Variants in LINS1 observed in about 807,000 individuals in gnomAD.
LINS1 encodes the protein lines homolog 1, also known as protein Lines homolog 1.
In LINS1, 27 loss-of-function variants were observed where a neutral mutation model predicts 41.6. The observed-to-expected ratio is 0.65, with a 90% CI of 0.48 to 0.89. The LOEUF (loss-of-function observed/expected upper bound fraction) is 0.89, where lower values mean the gene tolerates loss of function less well. Ranked by LOEUF, LINS1 falls within the 40% of genes least tolerant of loss-of-function variation. The pLI, the probability that LINS1 is intolerant of heterozygous loss-of-function variation, is 0.00. For missense variants in LINS1, 955 were observed against 884.1 expected (o/e 1.08, Z -1.02); for synonymous variants, 336 against 312.9 (o/e 1.07, Z -0.78).
chr15:100,575,478 C>A (rs148950420), intron 3 of LINS1, among the ~76,000 whole-genome samples: 5,330 of 152,182 alleles, frequency 0.035, 276 homozygotes, highest in African/African-American at 0.12. Flanking sequence ...AGCTAACTAT[C>A]CTAAATATAT....
intron 1 of LINS1, among the ~76,000 whole-genome samples, chr15:100,595,143 G>A (rs752896599): frequency 6.6e-6 from 1 of 152,052 alleles, no homozygotes; most frequent in Non-Finnish European, 1.5e-5. Context: ...GCTAGTCAAA[G>A]GGTTCTCAGA....
At chr15:100,596,006 G>C (rs192256456) in intron 1 of LINS1, among the ~76,000 whole-genome samples, 137 of 152,272 alleles carry the variant, frequency 9.0e-4, no homozygotes, top group African/African-American at 3.2e-3. Context: ...GATATCTTCC[G>C]ACAGCATGCC....
chr15:100,578,454 G>A (rs866543482), intron 3 of LINS1, among the ~76,000 whole-genome samples: 1,525 of 151,336 alleles, frequency 0.01, 31 homozygotes, highest in African/African-American at 0.035. Flanking sequence ...TCAGAGAAAT[G>A]CAAATCAAAA....
At chr15:100,597,475 C>G (rs2039298964) in intron 1 of LINS1, among the ~76,000 whole-genome samples, 1 of 152,178 alleles carries the variant, frequency 6.6e-6, no homozygotes, top group African/African-American at 2.4e-5. Flanking sequence ...AGAATTGAAC[C>G]AGGGACTACA....
chr15:100,585,063 T>C (rs2038739440), intron 1 of LINS1, among the ~76,000 whole-genome samples: 1 of 152,188 alleles, frequency 6.6e-6, no homozygotes, highest in African/African-American at 2.4e-5. Flanking sequence ...CATGGCATTA[T>C]CAAATTATAT....
rs984181978 is a variant in LINS1, at chr15:100,593,300, G to A, written c.-104+8821C>T. On this transcript the variant is annotated intron_variant, in intron 1 of 6. Transcript: ENST00000314742. ...AGTGTTTTCTCTTGGCAGAGGAGCT[G>A]AAATCCCACACCAAGTGGCCTAAGG... 3.3e-5 allele frequency among the ~76,000 whole-genome samples: 5 copies of A among 152,256 alleles called. No individual in the cohort carries two copies. The South Asian group carries it at 6.2e-4, about 19-fold the overall frequency.
At chr15:100,582,203 C>A (rs59229765) in intron 1 of LINS1, among the ~76,000 whole-genome samples, 12,150 of 142,374 alleles carry the variant, frequency 0.085, 496 homozygotes, top group East Asian at 0.2. Flanking sequence ...TCCGTCTACA[C>A]TATGGCCACT....
At position 100,580,552 on chromosome 15, in the gene LINS1, T is replaced by C. The variant is rs2038479017; in HGVS notation, c.291A>G (p.Lys97=). 6.2e-7 allele frequency: 1 copy of C among 1,614,076 alleles called. No homozygotes were observed. The highest frequency in any genetic ancestry group is 1.3e-5 in the African/African-American group (1 of 75,030). The change falls in exon 2 of 7, where the codon AAA becomes AAG. Residue 97 remains lysine, a synonymous_variant. Transcript: ENST00000314742. The part of the protein sequence containing the change: ...EVMLLQLTVI[K]VMTTRILSVK... ...CAGACAATATCCGGGTTGTCATCAC[T>C]TTGATCACTGTTAACTGAAGGAGCA...
chr15:100,581,106 G>GT (rs2038521376), intron 1 of LINS1, among the ~76,000 whole-genome samples, 161 bp from the exon 2 acceptor site: 1 of 152,170 alleles, frequency 6.6e-6, no homozygotes, highest in African/African-American at 2.4e-5. Context: ...TTTCAAGACC[G>GT]TAACAATGAA....
At chr15:100,572,645 A>G in intron 5 of LINS1, 1 of 988,232 alleles carries the variant, frequency 1.0e-6, no homozygotes, top group Non-Finnish European at 1.2e-6. Flanking sequence ...AGTTATTAAA[A>G]GCTAAATTAT....
At chr15:100,575,534 G>C (rs1300975653) in intron 3 of LINS1, among the ~76,000 whole-genome samples, 3 of 152,100 alleles carry the variant, frequency 2.0e-5, no homozygotes, top group African/African-American at 4.8e-5. Context: ...CAACTCCTTA[G>C]AGACCTACAA....
intron 1 of LINS1, among the ~76,000 whole-genome samples, chr15:100,601,452 C>A (rs1228668005): frequency 6.6e-6 from 1 of 152,116 alleles, no homozygotes; most frequent in Non-Finnish European, 1.5e-5. Context: ...AGAACCCTCA[C>A]GGTCCAACCA....
At chr15:100,595,719 C>T (rs1596970011) in intron 1 of LINS1, among the ~76,000 whole-genome samples, 1 of 152,320 alleles carries the variant, frequency 6.6e-6, no homozygotes. Context: ...GTGGCTACTA[C>T]ATAGACTAAT....
At chr15:100,590,863 G>T (rs1306630347) in intron 1 of LINS1, among the ~76,000 whole-genome samples, 1 of 152,132 alleles carries the variant, frequency 6.6e-6, no homozygotes, top group Non-Finnish European at 1.5e-5. Flanking sequence ...CAAACTCTTG[G>T]TATTATCCTC....
chr15:100,574,846 A>C, intron 4 of LINS1, 141 bp downstream of exon 4: 1 of 897,030 alleles, frequency 1.1e-6, no homozygotes, highest in Non-Finnish European at 1.7e-6. Flanking sequence ...GTTATCCTCA[A>C]TCAAAATATA....
At chr15:100,573,429 C>T in intron 5 of LINS1, 1 of 1,046,634 alleles carries the variant, frequency 9.6e-7, no homozygotes, top group South Asian at 2.3e-5. Flanking sequence ...CTAAATCATT[C>T]CTTATGCTTT....
Position 100,569,082 on chromosome 15 carries a change from C to T in LINS1, c.*156G>A, listed in dbSNP as rs906453884. On this transcript the variant is annotated 3_prime_UTR_variant, in exon 7 of 7. Coordinates refer to ENST00000314742, the MANE Select transcript of LINS1 (RefSeq NM_001040616.3). ...GAGGTTGCAGTGAGTCGAGTCACGC[C>T]ACTGCACTCCGGCCTGAGCGACAGA... is the stretch of plus-strand genomic sequence containing the variant. The T allele has an allele frequency of 4.7e-5, 25 of 527,616 alleles. No individual in the cohort carries two copies. The African/African-American group carries it at 5.0e-4, about 10-fold the overall frequency. The allele number at this position is 527,616 out of a possible 1,614,324, so 32.7% of individuals were successfully genotyped here.
At chr15:100,581,742 C>T (rs1263607157) in intron 1 of LINS1, among the ~76,000 whole-genome samples, 2 of 152,170 alleles carry the variant, frequency 1.3e-5, no homozygotes. Flanking sequence ...TTTCACACCT[C>T]AAATAATTCT....
At chr15:100,583,733 T>C (rs761028912) in intron 1 of LINS1, among the ~76,000 whole-genome samples, 2 of 152,188 alleles carry the variant, frequency 1.3e-5, no homozygotes, top group Non-Finnish European at 2.9e-5. Context: ...TTCTCCTTCC[T>C]CTTCAAGAGG....
Sources: allele counts gnomAD v4.1 joint callset (sites outside exome capture counted in the v4.1 genomes callset), GRCh38; gene constraint gnomAD v4.1.1; transcripts MANE v1.5; gene names NCBI Gene and HGNC (gene_info 2026-07-23, HGNC 2026-07-21).